The following ZNF536 variants were observed in gnomAD, a reference collection of about 807,000 sequenced individuals.
The protein encoded by ZNF536 is zinc finger protein 536.
In ZNF536, 13 loss-of-function variants were observed where a neutral mutation model predicts 84.5. The observed-to-expected ratio is 0.15, with a 90% CI of 0.10 to 0.24. The LOEUF is 0.24. Among genes scored for constraint, ZNF536 ranks in the 10% least tolerant of loss-of-function variants. ZNF536 has a pLI of 1.00. For missense variants in ZNF536, 1,536 were observed against 1,747.5 expected, an observed-to-expected ratio of 0.88 and a Z score of 2.16; for synonymous variants, 811 against 742.5, an observed-to-expected ratio of 1.09 and a Z score of -1.50.
At chr19:30,259,824 C>T (rs926470336) in intron 1 of ZNF536, among the ~76,000 whole-genome samples, 2 of 152,082 alleles carry the variant, frequency 1.3e-5, no homozygotes, top group South Asian at 2.1e-4. Flanking sequence ...GCGATCTTGG[C>T]TCACTGCAAC....
intron 1 of ZNF536, among the ~76,000 whole-genome samples, chr19:30,607,372 G>A (rs999413956): frequency 2.6e-5 from 4 of 151,724 alleles, no homozygotes; most frequent in African/African-American, 4.8e-5. Flanking sequence ...TTTTAATTAC[G>A]CTCTTCTTTG....
chr19:30,708,415 G>C (rs981405073), intron 1 of ZNF536, among the ~76,000 whole-genome samples: 1 of 152,208 alleles, frequency 6.6e-6, no homozygotes, highest in Non-Finnish European at 1.5e-5. Context: ...GGTGTTTTAG[G>C]ATTGAGCCAT....
At chr19:30,542,699 C>T (rs2045379132) in intron 3 of ZNF536, among the ~76,000 whole-genome samples, 1 of 152,190 alleles carries the variant, frequency 6.6e-6, no homozygotes, top group South Asian at 2.1e-4. Flanking sequence ...ACTGCCTGCT[C>T]CAGACCCCAT....
chr19:30,639,365 T>A (rs1438712796), intron 1 of ZNF536, among the ~76,000 whole-genome samples: 1 of 152,232 alleles, frequency 6.6e-6, no homozygotes, highest in East Asian at 1.9e-4. Context: ...GTAACCAATA[T>A]AAAGAGTATT....
intron 1 of ZNF536, among the ~76,000 whole-genome samples, chr19:30,392,753 A>C (rs553633209): frequency 2.0e-5 from 3 of 152,332 alleles, no homozygotes; most frequent in East Asian, 1.9e-4. Context: ...ACTACATTAC[A>C]TTACAGTAGA....
intron 2 of ZNF536, among the ~76,000 whole-genome samples, chr19:30,316,759 A>G (rs1247576337): frequency 6.6e-6 from 1 of 152,240 alleles, no homozygotes; most frequent in South Asian, 2.1e-4. Flanking sequence ...GGTCTTCAAC[A>G]GGTGGTTTCT....
At chr19:30,694,214 C>T (rs914828111) in intron 1 of ZNF536, among the ~76,000 whole-genome samples, 27 of 152,202 alleles carry the variant, frequency 1.8e-4, no homozygotes, top group Admixed American at 1.5e-3. Context: ...ATATTGGCCC[C>T]CCTCCCACAT....
intron 1 of ZNF536, among the ~76,000 whole-genome samples, chr19:30,264,966 T>TGAGA (rs142750589): frequency 0.028 from 3,766 of 133,722 alleles, 101 homozygotes; most frequent in African/African-American, 0.072. Context: ...TGTGTGTGTG[T>TGAGA]GAGAGAGAGA....
intron 1 of ZNF536, among the ~76,000 whole-genome samples, chr19:30,658,681 G>A (rs1028149235): frequency 1.3e-5 from 2 of 152,044 alleles, no homozygotes; most frequent in African/African-American, 4.8e-5. Flanking sequence ...CTTCTTAGCA[G>A]TTATTAAAAA....
chr19:30,705,648 G>C (rs1244844301), intron 1 of ZNF536, among the ~76,000 whole-genome samples: 2 of 152,086 alleles, frequency 1.3e-5, no homozygotes, highest in Non-Finnish European at 2.9e-5. Context: ...AAAAACTGTG[G>C]AATGAAGGTC....
chr19:30,608,492 CT>C (rs1377847442), intron 1 of ZNF536, among the ~76,000 whole-genome samples: 2 of 152,176 alleles, frequency 1.3e-5, no homozygotes. Context: ...TTAGCCTGGA[CT>C]GGCCAGGGCT....
intron 2 of ZNF536, among the ~76,000 whole-genome samples, chr19:30,313,053 A>G (rs1375646716): frequency 1.3e-5 from 2 of 152,214 alleles, no homozygotes; most frequent in Non-Finnish European, 2.9e-5. Context: ...TGAGCCTCAG[A>G]GCAGACATGC....
At chr19:30,270,791 C>G (rs1357029771) in intron 1 of ZNF536, among the ~76,000 whole-genome samples, 5 of 148,658 alleles carry the variant, frequency 3.4e-5, no homozygotes, top group Non-Finnish European at 5.9e-5. Context: ...TTTTCTAAAG[C>G]TATGTGCTAG....
intron 1 of ZNF536, chr19:30,436,542 TA>T (rs2051757513): frequency 1.0e-6 from 1 of 983,876 alleles, no homozygotes; most frequent in South Asian, 4.7e-5. Flanking sequence ...ATCTCTGGTT[TA>T]TTTTTGTAAT....
chr19:30,425,815 C>T (rs1035367128), intron 1 of ZNF536, among the ~76,000 whole-genome samples: 18 of 152,222 alleles, frequency 1.2e-4, no homozygotes, highest in East Asian at 1.2e-3. Flanking sequence ...CTCACCCAAG[C>T]TGCAGGACTG....
At chr19:30,333,729 G>A (rs939950616) in intron 2 of ZNF536, among the ~76,000 whole-genome samples, 1 of 152,138 alleles carries the variant, frequency 6.6e-6, no homozygotes, top group African/African-American at 2.4e-5. Context: ...GAACACCCGT[G>A]CACCAGCCGG....
At position 30,573,703 on chromosome 19, in the gene ZNF536, G is replaced by A. The variant is rs192564208; in HGVS notation, c.169+24189G>A. On this transcript the variant is annotated intron_variant, in intron 1 of 1. Coordinates refer to the ZNF536 transcript ENST00000592773. ...GGTATCACATGGATAGAGAGCAGGAGCTCGTCAGGACTTTTGATGGCCATA... is the reference window on the plus strand; with the variant it reads ...GGTATCACATGGATAGAGAGCAGGAACTCGTCAGGACTTTTGATGGCCATA... 1.3e-3 allele frequency among the ~76,000 whole-genome samples: 194 copies of A among 152,322 alleles called. 2 individuals are homozygous for A. Among genetic ancestry groups the A allele is most frequent in the African/African-American group, 4.6e-3 (190 of 41,554 alleles).
At chr19:30,338,934 C>G (rs550490134) in intron 2 of ZNF536, among the ~76,000 whole-genome samples, 3 of 152,162 alleles carry the variant, frequency 2.0e-5, no homozygotes, top group Non-Finnish European at 4.4e-5. Context: ...CATTCTGTTG[C>G]TGGTGGCATG....
At chr19:30,584,628 C>G (rs558678752) in intron 1 of ZNF536, among the ~76,000 whole-genome samples, 1 of 152,194 alleles carries the variant, frequency 6.6e-6, no homozygotes, top group African/African-American at 2.4e-5. Context: ...GGGATTAGCT[C>G]TCTTTTTCTG....
Sources: allele counts gnomAD v4.1 joint callset (sites outside exome capture counted in the v4.1 genomes callset), GRCh38; gene constraint gnomAD v4.1.1; transcripts MANE v1.5; gene names NCBI Gene and HGNC (gene_info 2026-07-23, HGNC 2026-07-21).